GPCPD1: variants seen among roughly 807,000 people sequenced by gnomAD.
GPCPD1 encodes the protein glycerophosphocholine phosphodiesterase 1.
Under a neutral mutation model 89.2 loss-of-function variants are expected in GPCPD1, and 29 were observed. That is an observed-to-expected ratio of 0.33 (90% CI 0.24 to 0.44). The LOEUF (loss-of-function observed/expected upper bound fraction) is 0.44, where lower values mean the gene tolerates loss of function less well. GPCPD1 is among the 20% of genes least tolerant of loss of function. GPCPD1 has a pLI of 1.00. For synonymous variants in GPCPD1, 258 were observed against 266.3 expected, an observed-to-expected ratio of 0.97 and a Z score of 0.30; for missense variants, 594 against 808.9, an observed-to-expected ratio of 0.73 and a Z score of 3.22.
At chr20:5,557,596 T>TA (rs1985846283) in intron 19 of GPCPD1, among the ~76,000 whole-genome samples, 1 of 151,832 alleles carries the variant, frequency 6.6e-6, no homozygotes, top group Non-Finnish European at 1.5e-5. Flanking sequence ...GAGTTGGAGA[T>TA]ACGTAAGTGT....
intron 13 of GPCPD1, 60 bp downstream of exon 13, chr20:5,567,423 A>G (rs1986447754): frequency 2.6e-6 from 4 of 1,511,224 alleles, no homozygotes; most frequent in African/African-American, 2.8e-5. Context: ...AACCATATAC[A>G]AGCAAGTACA....
intron 10 of GPCPD1, 71 bp downstream of exon 10, chr20:5,575,342 G>A: frequency 9.3e-7 from 1 of 1,077,118 alleles, no homozygotes; most frequent in Admixed American, 2.4e-5. Context: ...GACCTTTGCT[G>A]AGAAAACCAG....
chr20:5,575,188 C>T (rs1978286328), intron 10 of GPCPD1, among the ~76,000 whole-genome samples: 1 of 152,186 alleles, frequency 6.6e-6, no homozygotes, highest in Non-Finnish European at 1.5e-5. Context: ...CCAAGCTTTC[C>T]TTCCTGCCTT....
intron 6 of GPCPD1, among the ~76,000 whole-genome samples, chr20:5,582,206 A>AAC (rs1978577358): frequency 5.5e-5 from 8 of 145,792 alleles, no homozygotes; most frequent in Non-Finnish European, 1.2e-4. Flanking sequence ...AAAAAAAAAA[A>AAC]AAAAAAAAAA....
chr20:5,550,283 C>CAAAAAAAAAAAAA (rs11476159), intron 19 of GPCPD1, among the ~76,000 whole-genome samples: 9 of 75,986 alleles, frequency 1.2e-4, no homozygotes, highest in Non-Finnish European at 1.9e-4. Flanking sequence ...TCAAATGAAG[C>CAAAAAAAAAAAAA]AAAAAAAAAA....
chr20:5,595,443 C>G (rs1053973653), intron 3 of GPCPD1, among the ~76,000 whole-genome samples: 2 of 151,948 alleles, frequency 1.3e-5, no homozygotes, highest in African/African-American at 4.8e-5. Context: ...GAGTTCAAGA[C>G]CAGCCTGACC....
chr20:5,595,588 C>A (rs1979657500), intron 3 of GPCPD1, among the ~76,000 whole-genome samples: 7 of 152,088 alleles, frequency 4.6e-5, no homozygotes, highest in Admixed American at 4.6e-4. Flanking sequence ...TTGCAGTGAG[C>A]CCAGATCGCG....
chr20:5,606,288 CA>C (rs957376347), intron 1 of GPCPD1, among the ~76,000 whole-genome samples: 3 of 151,996 alleles, frequency 2.0e-5, no homozygotes, highest in Non-Finnish European at 4.4e-5. Flanking sequence ...CAACACCCCT[CA>C]AAAAAACCTT....
chr20:5,553,917 C>T (rs1177343041), intron 19 of GPCPD1, among the ~76,000 whole-genome samples: 1 of 87,350 alleles, frequency 1.1e-5, no homozygotes, highest in Non-Finnish European at 2.3e-5. Context: ...TTAAGGTATC[C>T]AGAAGGTCTT....
chr20:5,573,727 G>A (rs374453081), intron 11 of GPCPD1, among the ~76,000 whole-genome samples, 188 bp downstream of exon 11: 2 of 152,168 alleles, frequency 1.3e-5, no homozygotes, highest in East Asian at 3.9e-4. Context: ...CCAGGTGACA[G>A]AACAAGACCC....
chr20:5,604,734 G>A (rs1429603293), intron 1 of GPCPD1, among the ~76,000 whole-genome samples: 1 of 149,244 alleles, frequency 6.7e-6, no homozygotes, highest in Non-Finnish European at 1.5e-5. Context: ...GAGCCCAGGA[G>A]TTTGAGACCA....
Position 5,546,256 on chromosome 20 carries a change from A to G in GPCPD1, c.*1405T>C, listed in dbSNP as rs1003704174. ...CCAAAATTGCATTGCTTAGCTTAAA[A>G]AATACTACACAATGTATAATTTCAA... is the stretch of plus-strand genomic sequence containing the variant. On this transcript the variant is annotated 3_prime_UTR_variant, in exon 20 of 20. Transcript: ENST00000379019. The G allele has an allele frequency of 9.8e-5, 15 of 152,348 alleles. No individual in the cohort carries two copies. Among genetic ancestry groups the G allele is most frequent in the African/African-American group, 3.4e-4 (14 of 41,576 alleles). 9.4% of individuals were successfully genotyped at this position (152,348 alleles called of 1,614,324 possible).
intron 2 of GPCPD1, among the ~76,000 whole-genome samples, chr20:5,602,067 C>G (rs1055087670): frequency 6.6e-6 from 1 of 152,232 alleles, no homozygotes; most frequent in Non-Finnish European, 1.5e-5. Context: ...GGTCAGTCCT[C>G]TCTGCACTAC....
At position 5,565,082 on chromosome 20, in the gene GPCPD1, A is replaced by C. The variant is rs200835724; in HGVS notation, c.1268-4T>G. ...TTTTCCTCCTGAACCACAGATTCTG[A>C]AATTTTAAAACACAAAATCTCAGTA... is the stretch of plus-strand genomic sequence containing the variant. On this transcript the variant is annotated splice_region_variant and splice_polypyrimidine_tract_variant and intron_variant, in intron 14 of 19. Transcript: ENST00000379019. The C allele has an allele frequency of 2.0e-6, 3 of 1,467,806 alleles. No homozygotes were observed. The highest frequency in any genetic ancestry group is 2.9e-6 in the Non-Finnish European group (3 of 1,047,332). The allele number at this position is 1,467,806 out of a possible 1,614,324, so 90.9% of individuals were successfully genotyped here.
intron 3 of GPCPD1, 23 bp downstream of exon 3, chr20:5,598,702 T>G: frequency 7.4e-7 from 1 of 1,350,560 alleles, no homozygotes; most frequent in South Asian, 1.2e-5. Flanking sequence ...AGTTATTCTG[T>G]AACCTCACAT....
In GPCPD1 at chr20:5,575,961, G is replaced by A. The variant is rs372477226; in HGVS notation, c.723C>T (p.His241=). 1.3e-5 allele frequency: 21 copies of A among 1,586,606 alleles called. No individual in the cohort carries two copies. In the East Asian group the frequency reaches 3.1e-4, roughly 24 times the overall value. ...FDFFEEDLSE[H]VVQGDALPGH... The stretch of plus-strand genomic sequence containing the variant: ...CAGGAAGGGCATCACCCTGAACTAC[G>A]TGCTCACTGAGATCTTCCTGAAAAA... Residue 241 remains histidine, a synonymous_variant, in exon 9 of 20, where the codon CAC becomes CAT. Transcript: ENST00000379019.
At position 5,588,833 on chromosome 20, in the gene GPCPD1, A is replaced by C. The variant is rs185764334; in HGVS notation, c.232-2564T>G. Among the ~76,000 whole-genome samples the C allele has an allele frequency of 2.0e-3, 305 of 151,852 alleles. 1 individual carries two copies. Among genetic ancestry groups the C allele is most frequent in the Middle Eastern group, 6.8e-3 (2 of 294 alleles). Reference sequence around the variant, plus strand: ...GAGCGAGACTATGTCTCAAAAAAGAAAAAGAAAAAAAAAAGAAAAAGAAAA... The same window carrying C: ...GAGCGAGACTATGTCTCAAAAAAGACAAAGAAAAAAAAAAGAAAAAGAAAA... On this transcript the variant is annotated intron_variant, in intron 4 of 19. Coordinates refer to ENST00000379019, the MANE Select transcript of GPCPD1 (RefSeq NM_019593.5).
intron 12 of GPCPD1, 65 bp from the exon 13 acceptor site, chr20:5,567,625 C>T: frequency 1.4e-6 from 2 of 1,395,462 alleles, no homozygotes; most frequent in South Asian, 1.4e-5. Flanking sequence ...GAAAAGTAAG[C>T]CCTAAATTAT....
chr20:5,593,468 G>C, intron 3 of GPCPD1, 57 bp from the exon 4 acceptor site: 1 of 879,506 alleles, frequency 1.1e-6, no homozygotes, highest in Non-Finnish European at 1.9e-6. Flanking sequence ...AGTGCATAAA[G>C]ACTTCTTAAT....
Sources: allele counts gnomAD v4.1 joint callset (sites outside exome capture counted in the v4.1 genomes callset), GRCh38; gene constraint gnomAD v4.1.1; transcripts MANE v1.5; gene names NCBI Gene and HGNC (gene_info 2026-07-23, HGNC 2026-07-21).